Variants in MAML3 observed in about 807,000 individuals in gnomAD.
MAML3 encodes the protein mastermind like transcriptional coactivator 3.
MAML3 carries 27 observed loss-of-function variants against 101.9 expected under a neutral mutation model. The ratio of observed to expected loss-of-function variants is 0.27; its 90% CI spans 0.20 to 0.37. The LOEUF (loss-of-function observed/expected upper bound fraction) is 0.37. Among genes scored for constraint, MAML3 ranks in the 10% least tolerant of loss-of-function variants. The pLI, the probability that MAML3 is intolerant of heterozygous loss-of-function variation, is 1.00. For synonymous variants in MAML3, 501 were observed against 555.9 expected, an observed-to-expected ratio of 0.90 and a Z score of 1.39; for missense variants, 1,316 against 1,444.9, an observed-to-expected ratio of 0.91 and a Z score of 1.45.
intron 2 of MAML3, among the ~76,000 whole-genome samples, chr4:139,743,883 T>C (rs1729237401): frequency 1.3e-5 from 2 of 152,212 alleles, no homozygotes; most frequent in South Asian, 4.1e-4. Context: ...TGAGTCCCCA[T>C]TAATAAATAA....
chr4:139,934,297 C>G (rs1300396402), intron 1 of MAML3, among the ~76,000 whole-genome samples: 1 of 151,344 alleles, frequency 6.6e-6, no homozygotes, highest in East Asian at 1.9e-4. Context: ...GTGTGTGCGA[C>G]TATGGGTGTG....
chr4:140,137,380 T>C (rs1344960576), intron 1 of MAML3, among the ~76,000 whole-genome samples: 1 of 152,230 alleles, frequency 6.6e-6, no homozygotes, highest in Admixed American at 6.5e-5. Flanking sequence ...GCCACCCATA[T>C]GGTTGTGGGT....
intron 4 of MAML3, among the ~76,000 whole-genome samples, chr4:139,722,850 C>T (rs1451846480): frequency 6.6e-6 from 1 of 152,202 alleles, no homozygotes; most frequent in African/African-American, 2.4e-5. Flanking sequence ...TGCATAACAT[C>T]ATGCTATCTA....
chr4:140,131,453 G>T (rs965027335), intron 1 of MAML3, among the ~76,000 whole-genome samples: 3 of 152,162 alleles, frequency 2.0e-5, no homozygotes, highest in Non-Finnish European at 2.9e-5. Flanking sequence ...TTAGTACAGA[G>T]GCAGAAGGTA....
intron 2 of MAML3, among the ~76,000 whole-genome samples, chr4:139,805,614 T>G (rs1174561120): frequency 6.6e-6 from 1 of 152,214 alleles, no homozygotes; most frequent in African/African-American, 2.4e-5. Context: ...AATGGAGATA[T>G]AGTTCTTATT....
intron 2 of MAML3, among the ~76,000 whole-genome samples, chr4:139,883,526 G>C (rs4863520): frequency 0.65 from 98,968 of 152,048 alleles, 33,670 homozygotes; most frequent in South Asian, 0.75. Flanking sequence ...TACACTGAGA[G>C]GATGGGGAAG....
In MAML3 at chr4:139,864,923, CTTTTTTT is replaced by C. The variant is rs56361332; in HGVS notation, c.2079+24427_2079+24433del. 1.1e-3 allele frequency among the ~76,000 whole-genome samples: 66 copies of C among 62,460 alleles called. 6 individuals are homozygous for C. The highest frequency in any genetic ancestry group is 2.9e-3 in the African/African-American group (50 of 17,066). The allele number at this position is 62,460 out of a possible 152,430, so 41.0% of individuals were successfully genotyped here. ...TTAGGAAAATAGTAATGCAAACTTG[CTTTTTTT>C]TTTTTTTTTTTTTTTTTTTTTTTGC... On this transcript the variant is annotated intron_variant, in intron 2 of 4. Coordinates refer to ENST00000509479, the MANE Select transcript of MAML3 (RefSeq NM_018717.5).
intron 1 of MAML3, among the ~76,000 whole-genome samples, chr4:140,023,995 G>T (rs1726779991): frequency 6.6e-6 from 1 of 152,140 alleles, no homozygotes; most frequent in African/African-American, 2.4e-5. Flanking sequence ...TTTATAGCAA[G>T]AGCATATTAA....
intron 1 of MAML3, among the ~76,000 whole-genome samples, chr4:140,015,346 T>A (rs1383183458): frequency 6.6e-6 from 1 of 152,206 alleles, no homozygotes; most frequent in African/African-American, 2.4e-5. Flanking sequence ...TTTGCATAAG[T>A]CCTGAAGACA....
intron 1 of MAML3, among the ~76,000 whole-genome samples, chr4:140,115,214 TTAGCAC>T (rs1728499147): frequency 1.3e-5 from 2 of 152,240 alleles, no homozygotes; most frequent in South Asian, 4.1e-4. Context: ...TCCATATGAG[TTAGCAC>T]TATTTTTGAG....
chr4:140,008,600 T>TTC (rs1553968653), intron 1 of MAML3, among the ~76,000 whole-genome samples: 4 of 151,422 alleles, frequency 2.6e-5, no homozygotes. Context: ...CTCTTTTTTT[T>TTC]CTCTCACAAG....
At chr4:139,898,194 T>A (rs1732648996) in intron 1 of MAML3, among the ~76,000 whole-genome samples, 2 of 152,224 alleles carry the variant, frequency 1.3e-5, no homozygotes, top group South Asian at 4.1e-4. Flanking sequence ...CACAATGAGT[T>A]AGTGTAATTG....
intron 2 of MAML3, among the ~76,000 whole-genome samples, chr4:139,758,478 C>T (rs1729696411): frequency 6.6e-6 from 1 of 152,060 alleles, no homozygotes; most frequent in Admixed American, 6.5e-5. Context: ...CTGATGTATG[C>T]CCAGCTGTTC....
chr4:139,980,448 T>A (rs571459773), intron 1 of MAML3, among the ~76,000 whole-genome samples: 1 of 152,306 alleles, frequency 6.6e-6, no homozygotes, highest in African/African-American at 2.4e-5. Context: ...TAGCCTCCAT[T>A]CCTGGTTTAG....
At position 139,889,508 on chromosome 4, in the gene MAML3, T is replaced by C. The variant is rs755700593; in HGVS notation, c.1928A>G (p.Gln643Arg). The C allele has an allele frequency of 5.6e-6, 9 of 1,607,378 alleles. No homozygotes were observed. Among genetic ancestry groups the C allele is most frequent in the Non-Finnish European group, 7.7e-6 (9 of 1,174,410 alleles). Residue 643 changes from glutamine (Q) to arginine (R), a missense_variant, in exon 2 of 5, where the codon CAG becomes CGG. Coordinates refer to ENST00000509479, the MANE Select transcript of MAML3 (RefSeq NM_018717.5). ...CGGCTGCTGCTGCTGCTGCTGCTGC[T>C]GTTGCTGTTGCTGCTGCTGTTGCTG... ...QQQQQQQQQQ[Q>R]QQQQQQQPPP...
intron 2 of MAML3, among the ~76,000 whole-genome samples, chr4:139,783,208 C>T (rs1290186345): frequency 2.0e-5 from 3 of 152,148 alleles, no homozygotes; most frequent in African/African-American, 7.2e-5. Context: ...ATACGTGTTG[C>T]CTGTTGTTCC....
At chr4:140,086,486 G>A (rs192514643) in intron 1 of MAML3, among the ~76,000 whole-genome samples, 17 of 152,222 alleles carry the variant, frequency 1.1e-4, no homozygotes, top group Non-Finnish European at 2.2e-4. Flanking sequence ...TGTGAGAACA[G>A]AGAGGATGAA....
intron 1 of MAML3, among the ~76,000 whole-genome samples, chr4:140,120,521 A>G (rs563911720): frequency 6.6e-6 from 1 of 152,306 alleles, no homozygotes; most frequent in African/African-American, 2.4e-5. Flanking sequence ...TAATATTTTA[A>G]GGGTATCCAA....
chr4:139,961,578 G>A (rs966780735), intron 1 of MAML3, among the ~76,000 whole-genome samples: 2 of 152,146 alleles, frequency 1.3e-5, no homozygotes, highest in Non-Finnish European at 1.5e-5. Context: ...TTTTAGATGT[G>A]CCTGGATTTC....
Sources: allele counts gnomAD v4.1 joint callset (sites outside exome capture counted in the v4.1 genomes callset), GRCh38; gene constraint gnomAD v4.1.1; transcripts MANE v1.5; gene names NCBI Gene and HGNC (gene_info 2026-07-23, HGNC 2026-07-21).